Variants in LARGE1 observed in about 807,000 individuals in gnomAD.
LARGE1 encodes the protein xylosyl- and glucuronyltransferase LARGE1.
LARGE1 carries 43 observed loss-of-function variants against 87.6 expected under a neutral mutation model. The observed-to-expected ratio is 0.49, with a 90% CI of 0.38 to 0.63. The LOEUF (loss-of-function observed/expected upper bound fraction) is 0.63, where lower values mean the gene tolerates loss of function less well. LARGE1 is among the 30% of genes least tolerant of loss of function. The probability of loss-of-function intolerance (pLI) is 0.00; values close to 1 mark genes in which losing one functional copy is unlikely to be tolerated. For missense variants in LARGE1, 802 were observed against 1,000.2 expected (o/e 0.80, Z 2.67); for synonymous variants, 434 against 394.6 (o/e 1.10, Z -1.18).
chr22:33,117,435 CT>C, the LARGE1 span, among the ~76,000 whole-genome samples: 23,197 of 148,722 alleles, frequency 0.16, 2,329 homozygotes, highest in African/African-American at 0.3. Context: ...ACATTATTAA[CT>C]TTTTTTTTTT....
At chr22:33,665,328 T>C (rs1279607247) in intron 2 of LARGE1, among the ~76,000 whole-genome samples, 1 of 152,154 alleles carries the variant, frequency 6.6e-6, no homozygotes, top group Admixed American at 6.5e-5. Context: ...GGTAGCAGAG[T>C]CTTCTGTGGA....
chr22:33,203,095 CTCTCTCTG>C lies in LARGE1; in HGVS notation c.1731-36271_1731-36264del, dbSNP rs1412975599. The stretch of plus-strand genomic sequence containing the variant: ...TCTCTCTCTCTCTCTCTCTCTCTCT[CTCTCTCTG>C]TGTGTGTGTGTGTGTGTGTGTGCAA... On this transcript the variant is annotated intron_variant, in intron 11 of 11. Transcript: ENST00000608642. Among the ~76,000 whole-genome samples, 102 of 133,664 alleles carry C rather than the reference CTCTCTCTG, an allele frequency of 7.6e-4. 1 individual carries two copies. Among genetic ancestry groups the C allele is most frequent in the Admixed American group, 3.1e-3 (40 of 13,082 alleles). 87.7% of individuals were successfully genotyped at this position (133,664 alleles called of 152,430 possible).
intron 6 of LARGE1, among the ~76,000 whole-genome samples, chr22:33,507,036 G>T (rs971205983): frequency 2.0e-5 from 3 of 152,356 alleles, no homozygotes; most frequent in South Asian, 4.1e-4. Flanking sequence ...TGAAGAGGGA[G>T]TGGGAAGAAG....
At chr22:33,854,781 G>A (rs1262356775) in intron 1 of LARGE1, among the ~76,000 whole-genome samples, 2 of 152,186 alleles carry the variant, frequency 1.3e-5, no homozygotes, top group Non-Finnish European at 2.9e-5. Context: ...AAGCCAAAGA[G>A]TTAGCTGTTG....
At chr22:33,481,098 A>T (rs2069301373) in intron 6 of LARGE1, among the ~76,000 whole-genome samples, 1 of 152,072 alleles carries the variant, frequency 6.6e-6, no homozygotes, top group African/African-American at 2.4e-5. Context: ...TACATATTTT[A>T]AAACTTAGAT....
intron 6 of LARGE1, among the ~76,000 whole-genome samples, chr22:33,511,015 G>A (rs1476076766): frequency 6.6e-6 from 1 of 152,246 alleles, no homozygotes; most frequent in Admixed American, 6.5e-5. Context: ...GGCGGGTGCC[G>A]ATACAGTTCT....
the LARGE1 span, among the ~76,000 whole-genome samples, chr22:33,106,805 C>T: frequency 6.6e-6 from 1 of 152,176 alleles, no homozygotes; most frequent in African/African-American, 2.4e-5. Context: ...CACACCATTA[C>T]TTTTAAATAG....
At chr22:33,474,504 T>C (rs565394020) in intron 6 of LARGE1, among the ~76,000 whole-genome samples, 8 of 152,304 alleles carry the variant, frequency 5.3e-5, no homozygotes, top group Non-Finnish European at 8.8e-5. Context: ...ACAGGTGCTG[T>C]GCTTGGTGAC....
intron 2 of LARGE1, among the ~76,000 whole-genome samples, chr22:33,701,768 T>C (rs928250135): frequency 3.9e-5 from 6 of 152,200 alleles, no homozygotes; most frequent in Non-Finnish European, 5.9e-5. Context: ...TTTGCTCTCC[T>C]GAATGTAAGC....
rs535740556 is a variant in LARGE1, at chr22:33,431,320, C to T, written c.892+841G>A. The stretch of plus-strand genomic sequence containing the variant: ...AAGCATTCAAGGGACAGCTGGTGAA[C>T]AAGAAGGGTTGATGGATGAATGAAG... On this transcript the variant is annotated intron_variant, in intron 7 of 14. Transcript: ENST00000397394. 2.6e-5 allele frequency among the ~76,000 whole-genome samples: 4 copies of T among 152,128 alleles called. No individual in the cohort carries two copies. The South Asian group carries it at 8.3e-4, about 32-fold the overall frequency.
intron 7 of LARGE1, among the ~76,000 whole-genome samples, chr22:33,400,711 A>G (rs1456004894): frequency 6.6e-6 from 1 of 152,178 alleles, no homozygotes; most frequent in Admixed American, 6.5e-5. Flanking sequence ...GCTTTCTGCA[A>G]CTTCCAGCTT....
At chr22:33,243,334 C>G (rs551165063) in intron 11 of LARGE1, among the ~76,000 whole-genome samples, 179 of 152,322 alleles carry the variant, frequency 1.2e-3, no homozygotes, top group South Asian at 2.3e-3. Context: ...CTACCACTAT[C>G]AAGATATAAA....
At chr22:33,175,992 T>TAAC (rs1218315572) in intron 11 of LARGE1, among the ~76,000 whole-genome samples, 6 of 152,006 alleles carry the variant, frequency 3.9e-5, no homozygotes, top group Non-Finnish European at 8.8e-5. Context: ...GCTGCAGAAA[T>TAAC]AACACCACAC....
chr22:33,829,505 G>A (rs957447351), intron 1 of LARGE1, among the ~76,000 whole-genome samples: 2 of 152,022 alleles, frequency 1.3e-5, no homozygotes, highest in South Asian at 2.1e-4. Flanking sequence ...CTGTATCCCC[G>A]GTGCTTAGTA....
chr22:33,782,019 A>G (rs2085438881), intron 1 of LARGE1, among the ~76,000 whole-genome samples: 1 of 152,114 alleles, frequency 6.6e-6, no homozygotes, highest in African/African-American at 2.4e-5. Flanking sequence ...GGGAGGAGGT[A>G]GTTCTCTAAT....
intron 1 of LARGE1, among the ~76,000 whole-genome samples, chr22:33,883,701 A>G (rs959451827): frequency 6.6e-6 from 1 of 152,212 alleles, no homozygotes; most frequent in African/African-American, 2.4e-5. Context: ...AGGCCTTTGC[A>G]CTGGCATGGG....
At chr22:33,071,174 C>G in the LARGE1 span, among the ~76,000 whole-genome samples, 6 of 152,122 alleles carry the variant, frequency 3.9e-5, no homozygotes. Context: ...TTAGTTTAAC[C>G]CAGAGTCTTC....
chr22:33,296,629 C>G (rs893371079), intron 12 of LARGE1, among the ~76,000 whole-genome samples: 1 of 144,930 alleles, frequency 6.9e-6, no homozygotes, highest in African/African-American at 2.6e-5. Flanking sequence ...AGTGCAATGG[C>G]GCGATCTCAT....
intron 6 of LARGE1, among the ~76,000 whole-genome samples, chr22:33,458,032 C>A (rs981967513): frequency 6.6e-6 from 1 of 152,118 alleles, no homozygotes; most frequent in Non-Finnish European, 1.5e-5. Flanking sequence ...AGACTAGAGA[C>A]CATATCTGTA....
Sources: gnomAD v4.1 joint callset for allele counts (sites outside exome capture counted in the v4.1 genomes callset) on GRCh38, gnomAD v4.1.1 for gene constraint, MANE v1.5 for transcripts, NCBI Gene and HGNC (gene_info 2026-07-23, HGNC 2026-07-21) for gene names.